Variants in RBFOX2 observed in about 807,000 individuals in gnomAD.
The protein encoded by RBFOX2 is RNA binding protein fox-1 homolog 2.
Under a neutral mutation model 49.1 loss-of-function variants are expected in RBFOX2, and 10 were observed. The ratio of observed to expected loss-of-function variants is 0.20; its 90% confidence interval spans 0.13 to 0.35. RBFOX2 has a LOEUF of 0.35. Ranked by LOEUF, RBFOX2 falls within the 10% of genes least tolerant of loss-of-function variation. RBFOX2 has a pLI of 1.00. For missense variants in RBFOX2, 323 were observed against 486.9 expected (o/e 0.66, Z 3.17); for synonymous variants, 183 against 187.4 (o/e 0.98, Z 0.19).
chr22:35,874,376 T>C (rs764049254), intron 1 of RBFOX2, among the ~76,000 whole-genome samples: 1 of 152,030 alleles, frequency 6.6e-6, no homozygotes, highest in Non-Finnish European at 1.5e-5. Flanking sequence ...AAAGAGCTAA[T>C]AAATCTAGTA....
At chr22:35,870,327 T>G (rs1467558686) in intron 1 of RBFOX2, among the ~76,000 whole-genome samples, 1 of 151,624 alleles carries the variant, frequency 6.6e-6, no homozygotes, top group South Asian at 2.1e-4. Flanking sequence ...GCCAACAGAG[T>G]GAAATCCCAT....
intron 1 of RBFOX2, among the ~76,000 whole-genome samples, chr22:35,810,474 C>A (rs1951653773): frequency 6.6e-6 from 1 of 151,542 alleles, no homozygotes; most frequent in African/African-American, 2.4e-5. Context: ...TATCACTAGT[C>A]CCAGAGTGGG....
chr22:35,781,834 G>A (rs1024295610), intron 2 of RBFOX2, 88 bp from the exon 4 acceptor site: 2 of 1,545,526 alleles, frequency 1.3e-6, no homozygotes, highest in Middle Eastern at 1.9e-4. Context: ...CCCCAAACAG[G>A]GTATGTTTAA....
chr22:35,759,926 G>A lies in RBFOX2; in HGVS notation c.849C>T (p.Val283=). ...GGATGGCTGTTGGAGGTACCGCTCG[G>A]ACTGCACCATATACTGTCCGCCCTC... Residue 283 remains valine (V), a synonymous_variant, in exon 9 of 12, where the codon GTC becomes GTT. Coordinates refer to ENST00000405409, the Ensembl canonical transcript of RBFOX2. The surrounding 1 kb of genome is among the most constrained non-coding windows in gnomAD (Gnocchi z 4.6). 1.2e-6 allele frequency: 2 copies of A among 1,613,742 alleles called. No individual in the cohort carries two copies. Among genetic ancestry groups the A allele is most frequent in the Non-Finnish European group, 1.7e-6 (2 of 1,180,012 alleles).
At chr22:35,853,710 T>G (rs1440486957) in intron 1 of RBFOX2, among the ~76,000 whole-genome samples, 5 of 148,192 alleles carry the variant, frequency 3.4e-5, no homozygotes, top group African/African-American at 9.9e-5. Context: ...TGTGTAGCCA[T>G]TAAGACAAAA....
At chr22:35,927,025 A>C (rs1197024970) in intron 1 of RBFOX2, among the ~76,000 whole-genome samples, 1 of 152,236 alleles carries the variant, frequency 6.6e-6, no homozygotes, top group Non-Finnish European at 1.5e-5. Context: ...ATTCACAGAA[A>C]GCTGAGTCTT....
intron 9 of RBFOX2, among the ~76,000 whole-genome samples, chr22:35,750,102 C>G (rs192445842): frequency 6.6e-6 from 1 of 152,238 alleles, no homozygotes; most frequent in Non-Finnish European, 1.5e-5. Flanking sequence ...ACTGGCCCCT[C>G]CCCAGCCCAA....
At chr22:35,971,550 C>T (rs1381693515) in intron 1 of RBFOX2, among the ~76,000 whole-genome samples, 1 of 152,078 alleles carries the variant, frequency 6.6e-6, no homozygotes, top group Non-Finnish European at 1.5e-5. Flanking sequence ...CCACAAGAAA[C>T]ATATACATAT....
upstream of RBFOX2, among the ~76,000 whole-genome samples, chr22:35,942,696 T>G (rs1236281947): frequency 6.7e-6 from 1 of 148,626 alleles, no homozygotes; most frequent in Non-Finnish European, 1.5e-5. Context: ...TGAGATAGCC[T>G]GGGCAGCACA....
intron 1 of RBFOX2, among the ~76,000 whole-genome samples, chr22:35,848,561 T>C (rs1160437796): frequency 6.6e-6 from 1 of 152,206 alleles, no homozygotes; most frequent in Non-Finnish European, 1.5e-5. Context: ...CCAAAATAGC[T>C]TGGGCCTTTA....
intron 1 of RBFOX2, among the ~76,000 whole-genome samples, chr22:36,006,095 G>A (rs1310769211): frequency 1.3e-5 from 2 of 152,098 alleles, no homozygotes; most frequent in African/African-American, 4.8e-5. Flanking sequence ...CAAATATATA[G>A]GGTATGTGAA....
chr22:35,816,783 C>T (rs751757393), intron 1 of RBFOX2, among the ~76,000 whole-genome samples: 19 of 152,106 alleles, frequency 1.2e-4, no homozygotes, highest in Admixed American at 9.2e-4. Flanking sequence ...TGTCTAATTT[C>T]GGGTAAGGAG....
In RBFOX2 at chr22:35,769,469, G is replaced by A. The variant is rs148228668; in HGVS notation, c.454-1120C>T. Among the ~76,000 whole-genome samples the A allele has an allele frequency of 1.2e-4, 19 of 152,226 alleles. No homozygotes were observed. The East Asian group carries it at 3.7e-3, about 29-fold the overall frequency. On this transcript the variant is annotated intron_variant, in intron 4 of 11. Transcript: ENST00000405409. Reference sequence around the variant, plus strand: ...AGGAGCATTTACTATATACTTATATGACTTTCCTAAAACATCATATTCACT... The same window carrying A: ...AGGAGCATTTACTATATACTTATATAACTTTCCTAAAACATCATATTCACT...
chr22:35,919,734 A>G (rs1329737363), intron 1 of RBFOX2, among the ~76,000 whole-genome samples: 1 of 152,174 alleles, frequency 6.6e-6, no homozygotes, highest in Non-Finnish European at 1.5e-5. Context: ...CTTGGAGAGT[A>G]TATCACCTCC....
chr22:35,786,700 T>C (rs1946479090), intron 2 of RBFOX2, among the ~76,000 whole-genome samples: 2 of 152,322 alleles, frequency 1.3e-5, no homozygotes, highest in East Asian at 1.9e-4. Flanking sequence ...TTATTTTCTT[T>C]AACCCTCACA....
At chr22:35,803,147 AACACACACAC>A (rs374346895) in intron 2 of RBFOX2, among the ~76,000 whole-genome samples, 5 of 145,758 alleles carry the variant, frequency 3.4e-5, no homozygotes, top group East Asian at 2.0e-4. Flanking sequence ...AATTACTTAA[AACACACACAC>A]ACACACACAC....
chr22:35,782,187 G>T (rs1348395570), intron 2 of RBFOX2, among the ~76,000 whole-genome samples: 2 of 152,026 alleles, frequency 1.3e-5, no homozygotes, highest in Non-Finnish European at 2.9e-5. Flanking sequence ...ATGATCTCAG[G>T]CTCTCTCAAG....
chr22:35,775,456 G>A (rs557462794), intron 4 of RBFOX2, among the ~76,000 whole-genome samples: 54 of 152,290 alleles, frequency 3.5e-4, no homozygotes, highest in African/African-American at 1.2e-3. Flanking sequence ...GACAGAAGCA[G>A]CCTATGCTTT....
intron 1 of RBFOX2, among the ~76,000 whole-genome samples, chr22:35,829,735 T>C (rs1956439804): frequency 6.6e-6 from 1 of 152,166 alleles, no homozygotes; most frequent in African/African-American, 2.4e-5. Flanking sequence ...GAGAGGAAGA[T>C]GACTATGCTC....
Sources: allele counts gnomAD v4.1 joint callset (sites outside exome capture counted in the v4.1 genomes callset), GRCh38; gene constraint gnomAD v4.1.1; non-coding constraint Gnocchi (gnomAD v3.1); transcripts MANE v1.5; gene names NCBI Gene and HGNC (gene_info 2026-07-23, HGNC 2026-07-21).